FCRL4: variants seen among roughly 807,000 people sequenced by gnomAD.
FCRL4 encodes the protein Fc receptor like 4.
FCRL4 carries 43 observed loss-of-function variants against 64.1 expected under a neutral mutation model. The ratio of observed to expected loss-of-function variants is 0.67; its 90% CI spans 0.53 to 0.87. The LOEUF (loss-of-function observed/expected upper bound fraction) is 0.87, where lower values mean the gene tolerates loss of function less well. Ranked by LOEUF, FCRL4 falls within the 40% of genes least tolerant of loss-of-function variation. The pLI is 0.00. For missense variants in FCRL4, 656 were observed against 613.5 expected, an observed-to-expected ratio of 1.07 and a Z score of -0.73; for synonymous variants, 253 against 239.8, an observed-to-expected ratio of 1.05 and a Z score of -0.51.
intron 2 of FCRL4, among the ~76,000 whole-genome samples, chr1:157,590,880 A>T (rs1652824261): frequency 6.6e-6 from 1 of 152,176 alleles, no homozygotes; most frequent in South Asian, 2.1e-4. Flanking sequence ...AATCAAGAGA[A>T]CCTTTTTCCT....
chr1:157,598,045 C>T lies in FCRL4; in HGVS notation c.-101G>A, dbSNP rs995977622. On this transcript the variant is annotated 5_prime_UTR_variant, in exon 1 of 12. Transcript: ENST00000271532. Reference sequence around the variant, plus strand: ...TGCCTACACCAGCACCAGCAGTGAGCTCAGTAAGCTTCTTCTCTGCATAAA... The same window carrying T: ...TGCCTACACCAGCACCAGCAGTGAGTTCAGTAAGCTTCTTCTCTGCATAAA... 3.5e-5 allele frequency: 28 copies of T among 794,996 alleles called. No individual in the cohort carries two copies. Among genetic ancestry groups the T allele is most frequent in the Admixed American group, 2.6e-4 (13 of 50,550 alleles). 49.2% of individuals were successfully genotyped at this position (794,996 alleles called of 1,614,324 possible).
At chr1:157,597,362 T>C (rs1281212181) in intron 1 of FCRL4, among the ~76,000 whole-genome samples, 2 of 152,190 alleles carry the variant, frequency 1.3e-5, no homozygotes, top group Non-Finnish European at 2.9e-5. Flanking sequence ...TTTGAGCAAC[T>C]AGGAAATCCG....
At position 157,589,340 on chromosome 1, in the gene FCRL4, C is replaced by T. The variant is rs1652782670; in HGVS notation, c.171G>A (p.Trp57Ter). 1.9e-6 allele frequency: 3 copies of T among 1,614,156 alleles called. No individual in the cohort carries two copies. The highest frequency in any genetic ancestry group is 2.5e-6 in the Non-Finnish European group (3 of 1,180,030). The change falls in exon 3 of 12, where the codon TGG (tryptophan) becomes TGA (stop). Residue 57 changes from tryptophan (W) to a stop codon, truncating the protein, a stop_gained. Transcript: ENST00000271532. LOFTEE classifies it high-confidence loss of function. ...TTTCTCCCCAGTAGTGCCGATGATACCATGTTGTTTTCTCTGTTGCATAGA... is the reference window on the plus strand; with the variant it reads ...TTTCTCCCCAGTAGTGCCGATGATATCATGTTGTTTTCTCTGTTGCATAGA... ...FQFYATEKTTWYHRHYWGEKL... is the reference protein window; with the variant it reads ...FQFYATEKTT
At position 157,579,073 on chromosome 1, in the gene FCRL4, C is replaced by A. The variant is rs527892677; in HGVS notation, c.1278-221G>T. On this transcript the variant is annotated intron_variant, in intron 8 of 11. Transcript: ENST00000271532. ...CTGGAGCTGTGGTATGGACAGGCTGCCTGGAAACAAGGTTAGGGAGTCTCT... is the reference window on the plus strand; with the variant it reads ...CTGGAGCTGTGGTATGGACAGGCTGACTGGAAACAAGGTTAGGGAGTCTCT... 1.2e-3 allele frequency among the ~76,000 whole-genome samples: 177 copies of A among 152,270 alleles called. 4 individuals carry two copies. Among genetic ancestry groups the A allele is most frequent in the Middle Eastern group, 6.8e-3 (2 of 294 alleles).
At chr1:157,580,194 G>T in intron 8 of FCRL4, 127 bp downstream of exon 8, 1 of 979,502 alleles carries the variant, frequency 1.0e-6, no homozygotes, top group Non-Finnish European at 1.6e-6. Flanking sequence ...AATTCATGGA[G>T]TGTGAAAATG....
chr1:157,597,423 A>G (rs1003589474), intron 1 of FCRL4, among the ~76,000 whole-genome samples: 2 of 152,254 alleles, frequency 1.3e-5, no homozygotes, highest in Non-Finnish European at 2.9e-5. Context: ...GGAAGAAAAA[A>G]ATCAAAGGGA....
chr1:157,583,198 T>C (rs1652601382), intron 6 of FCRL4, among the ~76,000 whole-genome samples: 1 of 152,192 alleles, frequency 6.6e-6, no homozygotes, highest in Non-Finnish European at 1.5e-5. Context: ...TGTAAAGTGC[T>C]TTGAACAGTG....
At position 157,587,418 on chromosome 1, in the gene FCRL4, G is replaced by C. The variant is rs1282761478; in HGVS notation, c.705C>G (p.Val235=). 6.2e-7 allele frequency: 1 copy of C among 1,614,124 alleles called. No homozygotes were observed. The highest frequency in any genetic ancestry group is 8.5e-7 in the Non-Finnish European group (1 of 1,180,052). Residue 235 remains valine (V), a synonymous_variant, in exon 5 of 12, where the codon GTC becomes GTG. Coordinates refer to ENST00000271532, the MANE Select transcript of FCRL4 (RefSeq NM_031282.3). ...GGTACGTGCTCCAGTCTGACAGGAT[G>C]ACCTCGCCATCTCTGAAGAAGTTGA... ...LHFNFFRDGE[V]ILSDWSTYPE...
chr1:157,580,467 G>T, intron 7 of FCRL4, 119 bp from the exon 8 acceptor site: 1 of 1,047,016 alleles, frequency 9.6e-7, no homozygotes, highest in Non-Finnish European at 1.5e-6. Flanking sequence ...CACCTGCCCA[G>T]TCCTGGGTTT....
At chr1:157,581,346 C>G (rs1435899217) in intron 7 of FCRL4, among the ~76,000 whole-genome samples, 185 bp downstream of exon 7, 1 of 152,178 alleles carries the variant, frequency 6.6e-6, no homozygotes. Context: ...AGCTCTCATT[C>G]ATGGCTTCTG....
At chr1:157,592,353 A>T (rs1159279306) in intron 2 of FCRL4, among the ~76,000 whole-genome samples, 1 of 152,230 alleles carries the variant, frequency 6.6e-6, no homozygotes, top group Non-Finnish European at 1.5e-5. Context: ...CCCATCTGAC[A>T]AAGGCTAATA....
intron 2 of FCRL4, among the ~76,000 whole-genome samples, chr1:157,594,751 A>T (rs1652921399): frequency 6.6e-6 from 1 of 152,172 alleles, no homozygotes; most frequent in Admixed American, 6.5e-5. Context: ...TCCCAAATAG[A>T]TCTTTTAGTT....
intron 10 of FCRL4, among the ~76,000 whole-genome samples, chr1:157,576,915 ATG>A (rs1652428237): frequency 1.3e-5 from 2 of 152,188 alleles, no homozygotes; most frequent in Non-Finnish European, 2.9e-5. Context: ...TCTGAGTCTT[ATG>A]TGTAATACTT....
chr1:157,583,057 GCA>G (rs1236759578), intron 6 of FCRL4, among the ~76,000 whole-genome samples: 2 of 152,138 alleles, frequency 1.3e-5, no homozygotes, highest in Non-Finnish European at 2.9e-5. Context: ...AGTTAGAAAG[GCA>G]CAGATTCTAA....
In FCRL4 at chr1:157,574,874, T is replaced by C. The variant is rs1652364357; in HGVS notation, c.*650A>G. On this transcript the variant is annotated 3_prime_UTR_variant, in exon 12 of 12. Coordinates refer to ENST00000271532, the MANE Select transcript of FCRL4 (RefSeq NM_031282.3). Reference sequence around the variant, plus strand: ...ATCTTTGTCACTAATGACATTAACATAATTATCATTTGCTTTTGGAAGCGC... The same window carrying C: ...ATCTTTGTCACTAATGACATTAACACAATTATCATTTGCTTTTGGAAGCGC... 4.7e-6 allele frequency: 1 copy of C among 210,678 alleles called. No individual in the cohort carries two copies. The highest frequency in any genetic ancestry group is 2.3e-5 in the African/African-American group (1 of 44,138). The allele number at this position is 210,678 out of a possible 1,614,324, so 13.1% of individuals were successfully genotyped here.
intron 8 of FCRL4, among the ~76,000 whole-genome samples, chr1:157,580,110 A>G (rs1241405062): frequency 6.6e-6 from 1 of 152,264 alleles, no homozygotes; most frequent in Non-Finnish European, 1.5e-5. Context: ...AGATCAAATA[A>G]GAAATCTATT....
At chr1:157,580,535 A>G (rs1652536919) in intron 7 of FCRL4, 187 bp from the exon 8 acceptor site, 3 of 617,110 alleles carry the variant, frequency 4.9e-6, no homozygotes, top group South Asian at 1.9e-5. Flanking sequence ...TGAGGCCAGG[A>G]CTGCACACTC....
rs764092875 is a variant in FCRL4 at position 157,588,026 on chromosome 1, A to G, written c.401T>C (p.Val134Ala). 2.5e-6 allele frequency: 4 copies of G among 1,613,218 alleles called. No individual in the cohort carries two copies. Among genetic ancestry groups the G allele is most frequent in the Non-Finnish European group, 3.4e-6 (4 of 1,179,654 alleles). ...AATGTTTCCATTCCAAGTATATTTC[A>G]CAGCAGTCAATTTCTCTTTCCTTCT... is the stretch of plus-strand genomic sequence containing the variant. ...HRRRKEKLTA[V>A]KYTWNGNILS... is the part of the protein sequence containing the mutation. Residue 134 changes from valine to alanine, a missense_variant, in exon 4 of 12, where the codon GTG becomes GCG. Physicochemically the swap from Val to Ala is moderately conservative, Grantham distance 64. Coordinates refer to ENST00000271532, the MANE Select transcript of FCRL4 (RefSeq NM_031282.3).
intron 10 of FCRL4, 44 bp from the exon 11 acceptor site, chr1:157,575,774 C>A: frequency 6.3e-7 from 1 of 1,595,464 alleles, no homozygotes. Context: ...CATAATGATG[C>A]ACTTAGAACT....
Sources: allele counts gnomAD v4.1 joint callset (sites outside exome capture counted in the v4.1 genomes callset), GRCh38; gene constraint gnomAD v4.1.1; transcripts MANE v1.5; gene names NCBI Gene and HGNC (gene_info 2026-07-23, HGNC 2026-07-21).